Variants in LRTM1 observed in about 807,000 individuals in gnomAD.
The protein encoded by LRTM1 is leucine rich repeat transmembrane protein 1, also known as leucine-rich repeat and transmembrane domain-containing protein 1.
A neutral mutation model predicts 32.4 loss-of-function variants in LRTM1; 38 were observed. The ratio of observed to expected loss-of-function variants is 1.17; its 90% CI spans 0.91 to 1.54. LRTM1 has a LOEUF of 1.54. Among genes scored for constraint, LRTM1 ranks in the 40% most tolerant of loss-of-function variants. The pLI is 0.00. For missense variants in LRTM1, 466 were observed against 415.4 expected (o/e 1.12, Z -1.06); for synonymous variants, 186 against 169.9 (o/e 1.09, Z -0.74).
At chr3:54,948,320 G>T (rs563111021) in intron 1 of LRTM1, among the ~76,000 whole-genome samples, 1 of 152,258 alleles carries the variant, frequency 6.6e-6, no homozygotes, top group East Asian at 1.9e-4. Flanking sequence ...CCTCACACCT[G>T]ACCTCAGTAA....
chr3:54,935,517 A>C (rs77334540), intron 1 of LRTM1, among the ~76,000 whole-genome samples: 3,430 of 152,292 alleles, frequency 0.023, 127 homozygotes, highest in African/African-American at 0.075. Context: ...CCAAAGCCTC[A>C]CAGTGACACG....
At position 54,918,332 on chromosome 3, in the gene LRTM1, CTTTTTTT is replaced by C. The variant is rs533596688; in HGVS notation, c.*120_*126del. 1,356 of 227,344 alleles carry C rather than the reference CTTTTTTT, an allele frequency of 6.0e-3. 1 individual carries two copies. The highest frequency in any genetic ancestry group is 0.012 in the East Asian group (181 of 14,492). The allele number at this position is 227,344 out of a possible 1,614,324, so 14.1% of individuals were successfully genotyped here. Reference sequence around the variant, plus strand: ...TTTTACAGACACATCTTTTTTTTTTCTTTTTTTTTTTTTTTTTTTTTTTGTCTTTTGG... The same window carrying C: ...TTTTACAGACACATCTTTTTTTTTTCTTTTTTTTTTTTTTTTGTCTTTTGG... On this transcript the variant is annotated 3_prime_UTR_variant, in exon 3 of 3. Coordinates refer to ENST00000273286, the MANE Select transcript of LRTM1 (RefSeq NM_020678.4).
intron 1 of LRTM1, among the ~76,000 whole-genome samples, chr3:54,935,957 A>AT (rs1309942833): frequency 6.6e-6 from 1 of 152,166 alleles, no homozygotes; most frequent in Non-Finnish European, 1.5e-5. Context: ...CAATCATTTC[A>AT]TTTTAGAACA....
upstream of LRTM1, among the ~76,000 whole-genome samples, chr3:54,932,245 A>G (rs1394422715): frequency 6.6e-6 from 1 of 152,214 alleles, no homozygotes; most frequent in East Asian, 1.9e-4. Context: ...GAGAATATTC[A>G]TAATAAAGTG....
At chr3:54,948,979 A>T (rs951317341) in intron 1 of LRTM1, among the ~76,000 whole-genome samples, 1 of 152,242 alleles carries the variant, frequency 6.6e-6, no homozygotes, top group Non-Finnish European at 1.5e-5. Context: ...CTTCAGGTAC[A>T]GTTGGATCTG....
At chr3:54,948,527 A>G (rs945199710) in intron 1 of LRTM1, among the ~76,000 whole-genome samples, 12 of 151,432 alleles carry the variant, frequency 7.9e-5, no homozygotes, top group Non-Finnish European at 1.2e-4. Context: ...TGGTTTCACC[A>G]TGAGCACCTC....
At chr3:54,944,812 GGGGT>G (rs1156694059) in intron 1 of LRTM1, among the ~76,000 whole-genome samples, 1 of 146,164 alleles carries the variant, frequency 6.8e-6, no homozygotes, top group South Asian at 2.1e-4. Flanking sequence ...GTTAGAGCTG[GGGGT>G]GTGTGTGTGT....
At position 54,924,901 on chromosome 3, in the gene LRTM1, T is replaced by C. The variant is rs757860768; in HGVS notation, c.322A>G (p.Asn108Asp). The C allele has an allele frequency of 6.2e-7, 1 of 1,613,566 alleles. No homozygotes were observed. Among genetic ancestry groups the C allele is most frequent in the South Asian group, 1.1e-5 (1 of 91,066 alleles). ...CTGCTTTCCAGGGAAAGGAGTGAATTCTGGGTTAGATTTAAAACCTGCAAG... is the reference window on the plus strand; with the variant it reads ...CTGCTTTCCAGGGAAAGGAGTGAATCCTGGGTTAGATTTAAAACCTGCAAG... ...QHLQVLNLTQ[N>D]SLLSLESRLF... Residue 108 changes from asparagine (N) to aspartate (D), a missense_variant, in exon 2 of 3, where the codon AAT (asparagine) becomes GAT (aspartate). By Grantham distance (23) the Asn-to-Asp change is conservative. Transcript: ENST00000273286.
chr3:54,956,029 C>G (rs939140120), intron 1 of LRTM1, among the ~76,000 whole-genome samples: 1 of 152,214 alleles, frequency 6.6e-6, no homozygotes, highest in African/African-American at 2.4e-5. Context: ...CGTGATTACT[C>G]CAGAGTGCCG....
chr3:54,946,509 G>A (rs1701618636), intron 1 of LRTM1, among the ~76,000 whole-genome samples: 1 of 152,168 alleles, frequency 6.6e-6, no homozygotes, highest in Non-Finnish European at 1.5e-5. Flanking sequence ...AGGGCCGTTA[G>A]CAGCAGGAAA....
chr3:54,953,968 A>C (rs765928520), intron 1 of LRTM1, among the ~76,000 whole-genome samples: 1 of 152,250 alleles, frequency 6.6e-6, no homozygotes, highest in African/African-American at 2.4e-5. Flanking sequence ...CACAGATTTC[A>C]GTCCACAGAT....
chr3:54,942,887 G>A (rs577295309), intron 1 of LRTM1, among the ~76,000 whole-genome samples: 10 of 152,120 alleles, frequency 6.6e-5, no homozygotes, highest in Admixed American at 5.9e-4. Context: ...AGCCAGGCGC[G>A]GTGGCACGTG....
intron 1 of LRTM1, among the ~76,000 whole-genome samples, chr3:54,958,653 G>T (rs1701961307): frequency 6.6e-6 from 1 of 152,158 alleles, no homozygotes; most frequent in South Asian, 2.1e-4. Flanking sequence ...TCATGTTGAT[G>T]GAGGTGGCCT....
chr3:54,956,497 T>C (rs1701896642), intron 1 of LRTM1, among the ~76,000 whole-genome samples: 1 of 152,208 alleles, frequency 6.6e-6, no homozygotes, highest in African/African-American at 2.4e-5. Context: ...CACATGGTCT[T>C]AACGTTCTCA....
At chr3:54,955,451 T>C (rs911942577) in intron 1 of LRTM1, among the ~76,000 whole-genome samples, 1 of 151,794 alleles carries the variant, frequency 6.6e-6, no homozygotes, top group Non-Finnish European at 1.5e-5. Flanking sequence ...TGCATTTCTT[T>C]TGGAAAAAAG....
At chr3:54,938,616 G>C (rs1025912746) in intron 1 of LRTM1, among the ~76,000 whole-genome samples, 3 of 151,382 alleles carry the variant, frequency 2.0e-5, no homozygotes, top group African/African-American at 7.3e-5. Flanking sequence ...AGCCCCCTTA[G>C]TTACCCCCAC....
intron 1 of LRTM1, among the ~76,000 whole-genome samples, chr3:54,956,268 C>T (rs1051364079): frequency 4.6e-5 from 7 of 152,230 alleles, no homozygotes; most frequent in South Asian, 4.1e-4. Context: ...GACCCGTAAG[C>T]GCATGGTCTT....
chr3:54,931,121 A>G (rs1471800794), upstream of LRTM1, among the ~76,000 whole-genome samples: 2 of 152,302 alleles, frequency 1.3e-5, no homozygotes, highest in African/African-American at 2.4e-5. Flanking sequence ...ACAAAGTGGC[A>G]TCTCTTACTA....
intron 1 of LRTM1, among the ~76,000 whole-genome samples, chr3:54,964,153 C>G (rs1400734418): frequency 6.6e-6 from 1 of 152,044 alleles, no homozygotes; most frequent in Non-Finnish European, 1.5e-5. Context: ...GAGGCTCACC[C>G]CATATTGGCA....
Sources: gnomAD v4.1 joint callset for allele counts (sites outside exome capture counted in the v4.1 genomes callset) on GRCh38, gnomAD v4.1.1 for gene constraint, MANE v1.5 for transcripts, NCBI Gene and HGNC (gene_info 2026-07-23, HGNC 2026-07-21) for gene names.